Variants in NTN1 observed in about 807,000 individuals in gnomAD.
NTN1 encodes netrin-1.
NTN1 carries 11 observed loss-of-function variants against 54.2 expected under a neutral mutation model. The ratio of observed to expected loss-of-function variants is 0.20; its 90% CI spans 0.13 to 0.34. The LOEUF (loss-of-function observed/expected upper bound fraction) is 0.34. Ranked by LOEUF, NTN1 falls within the 10% of genes least tolerant of loss-of-function variation. The pLI is 1.00. For synonymous variants in NTN1, 371 were observed against 382.0 expected, an observed-to-expected ratio of 0.97 and a Z score of 0.33; for missense variants, 740 against 893.1, an observed-to-expected ratio of 0.83 and a Z score of 2.18.
chr17:9,044,315 A>G (rs1207049462), intron 2 of NTN1, among the ~76,000 whole-genome samples: 1 of 151,232 alleles, frequency 6.6e-6, no homozygotes, highest in African/African-American at 2.4e-5. Context: ...GCTCACTGCA[A>G]CCTCCGCCTC....
Position 9,128,556 on chromosome 17 carries a change from G to A in NTN1, c.1019-34257G>A, listed in dbSNP as rs545539364. On this transcript the variant is annotated intron_variant, in intron 2 of 6. Transcript: ENST00000173229. ...GAGACTGGCCCTCATCTTCTCCAGC[G>A]TGCCCCATTGTCTCACACTACCATT... Among the ~76,000 whole-genome samples the A allele has an allele frequency of 6.6e-5, 10 of 152,248 alleles. No homozygotes were observed. The South Asian group carries it at 1.2e-3, about 19-fold the overall frequency.
chr17:9,227,543 TCA>T (rs1230383612), intron 6 of NTN1, among the ~76,000 whole-genome samples: 10 of 117,966 alleles, frequency 8.5e-5, no homozygotes, highest in African/African-American at 2.8e-4. Context: ...AGATACACCA[TCA>T]CACACAGGCA....
At chr17:9,065,441 T>C (rs1284046908) in intron 2 of NTN1, among the ~76,000 whole-genome samples, 1 of 152,194 alleles carries the variant, frequency 6.6e-6, no homozygotes, top group African/African-American at 2.4e-5. Context: ...AGGTTTGGGC[T>C]CAAATTGCCT....
At chr17:9,099,046 G>A (rs1051223618) in intron 2 of NTN1, among the ~76,000 whole-genome samples, 4 of 152,000 alleles carry the variant, frequency 2.6e-5, no homozygotes, top group African/African-American at 9.7e-5. Context: ...TGTAACCTGG[G>A]CTTTTCATTT....
chr17:9,121,122 G>A (rs977408944), intron 2 of NTN1, among the ~76,000 whole-genome samples: 1 of 152,102 alleles, frequency 6.6e-6, no homozygotes, highest in African/African-American at 2.4e-5. Context: ...GCCCTGTCGG[G>A]GGGAGAGCTG....
At chr17:9,037,188 C>A (rs1427079379) in intron 2 of NTN1, among the ~76,000 whole-genome samples, 8 of 152,166 alleles carry the variant, frequency 5.3e-5, no homozygotes, top group Non-Finnish European at 2.9e-5. Flanking sequence ...TATTTTTGAA[C>A]TTTATGTAAT....
chr17:9,052,306 A>G (rs781124262), intron 2 of NTN1, among the ~76,000 whole-genome samples: 1 of 152,190 alleles, frequency 6.6e-6, no homozygotes, highest in Non-Finnish European at 1.5e-5. Flanking sequence ...AGCCTGAGTT[A>G]AGGGCATAAT....
In NTN1 at chr17:9,203,267, T is replaced by C. The variant is rs1184049459; in HGVS notation, c.1412-17901T>C. 2.0e-5 allele frequency among the ~76,000 whole-genome samples: 3 copies of C among 152,012 alleles called. No individual in the cohort carries two copies. In the East Asian group the frequency reaches 5.8e-4, roughly 29 times the overall value. On this transcript the variant is annotated intron_variant, in intron 5 of 6. Transcript: ENST00000173229. ...TTCTTTGCCCTCTGTTTGCCAGCTG[T>C]TCCCTCCTCCTGCCAATGTGTTGAT...
At chr17:9,225,817 C>T (rs547494993) in intron 6 of NTN1, among the ~76,000 whole-genome samples, 3 of 152,344 alleles carry the variant, frequency 2.0e-5, no homozygotes, top group African/African-American at 7.2e-5. Context: ...ACATTTCCTT[C>T]ACCCAGGGCA....
chr17:9,241,074 C>CGA lies in NTN1; in HGVS notation c.*1106_*1107insGA, dbSNP rs1906198588. ...TTGGAGTCTGCAGGCTGCGAAGGCA[C>CGA]TTGGGCCTGGCTTGGGGCCGGGGGC... On this transcript the variant is annotated 3_prime_UTR_variant, in exon 7 of 7. Transcript: ENST00000173229. 2 of 152,408 alleles carry CGA rather than the reference C, an allele frequency of 1.3e-5. No individual in the cohort carries two copies. Among genetic ancestry groups the CGA allele is most frequent in the Non-Finnish European group, 2.9e-5 (2 of 68,226 alleles). 9.4% of individuals were successfully genotyped at this position (152,408 alleles called of 1,614,324 possible).
chr17:9,031,373 T>G (rs1250255239), intron 2 of NTN1, among the ~76,000 whole-genome samples: 1 of 152,154 alleles, frequency 6.6e-6, no homozygotes, highest in Admixed American at 6.5e-5. Context: ...AGCAAATAAA[T>G]GTACCACCAC....
In NTN1 at chr17:9,111,178, C is replaced by T. The variant is rs1376558727; in HGVS notation, c.1019-51635C>T. ...GTCTCGATCTCCTGATCTCGTGATC[C>T]GCCTGCCTCGGCCTCCCAAAGTGCT... On this transcript the variant is annotated intron_variant, in intron 2 of 6. Transcript: ENST00000173229. Among the ~76,000 whole-genome samples, 5 of 152,064 alleles carry T rather than the reference C, an allele frequency of 3.3e-5. No individual in the cohort carries two copies. The East Asian group carries it at 5.8e-4, about 18-fold the overall frequency.
At position 9,169,170 on chromosome 17, in the gene NTN1, C is replaced by G. The variant is rs75124585; in HGVS notation, c.1207+6169C>G. On this transcript the variant is annotated intron_variant, in intron 3 of 6. Transcript: ENST00000173229. ...TAAGTCTGGTGACCTCTCTAGACCT[C>G]AGTCTCCTCATCTGTGGGATTATGG... Among the ~76,000 whole-genome samples, 1,285 of 152,358 alleles carry G rather than the reference C, an allele frequency of 8.4e-3. 16 individuals carry two copies. The highest frequency in any genetic ancestry group is 0.029 in the African/African-American group (1,194 of 41,578).
chr17:9,242,922 A>G lies in NTN1; in HGVS notation c.*2954A>G, dbSNP rs1305255775. The G allele has an allele frequency of 1.3e-5, 2 of 152,228 alleles. No homozygotes were observed. The highest frequency in any genetic ancestry group is 6.5e-5 in the Admixed American group (1 of 15,286). The allele number at this position is 152,228 out of a possible 1,614,324, so 9.4% of individuals were successfully genotyped here. A position where few individuals can be genotyped will look rare whatever the true frequency, so the allele number is the denominator to read the frequency against. On this transcript the variant is annotated 3_prime_UTR_variant, in exon 7 of 7. Transcript: ENST00000173229. ...TCCCGGTTTGTACAGTTAGGAAGGG[A>G]TGTAAAACGGAACTAGATTTTGATT...
At chr17:9,026,447 T>C (rs940851) in intron 2 of NTN1, among the ~76,000 whole-genome samples, 116,158 of 150,402 alleles carry the variant, frequency 0.77, 45,247 homozygotes, top group African/African-American at 0.86. Context: ...CGATGTATAA[T>C]GTTACGGCCT....
chr17:9,090,321 A>G (rs2092105869), intron 2 of NTN1, among the ~76,000 whole-genome samples: 1 of 151,916 alleles, frequency 6.6e-6, no homozygotes, highest in Non-Finnish European at 1.5e-5. Context: ...GACTACAGGC[A>G]TGCACCACCA....
At position 9,221,285 on chromosome 17, in the gene NTN1, A is replaced by G. The variant is rs112589708; in HGVS notation, c.1486+43A>G. ...TGTCTGGGGAGGATGGGAGGGGGCC[A>G]CGTGACCAGCGAGGTGCTGGGGCTG... On this transcript the variant is annotated intron_variant, in intron 6 of 6. Transcript: ENST00000173229. This position sits in a 1 kb window ranked among gnomAD's most constrained non-coding sequence, Gnocchi z 4.5. 296 of 1,509,856 alleles carry G rather than the reference A, an allele frequency of 2.0e-4. 1 individual carries two copies. The African/African-American group carries it at 3.4e-3, about 17-fold the overall frequency. The allele number at this position is 1,509,856 out of a possible 1,614,324, so 93.5% of individuals were successfully genotyped here.
At chr17:9,115,736 C>T (rs1051843626) in intron 2 of NTN1, among the ~76,000 whole-genome samples, 1 of 152,204 alleles carries the variant, frequency 6.6e-6, no homozygotes, top group Non-Finnish European at 1.5e-5. Flanking sequence ...CAGAGACAAA[C>T]GAACGGATGG....
In NTN1 at chr17:9,096,366, C is replaced by CCTTTTTTTTT. The variant is rs55880198; in HGVS notation, c.1019-66447_1019-66446insCTTTTTTTTT. Among the ~76,000 whole-genome samples, 111 of 91,552 alleles carry CCTTTTTTTTT rather than the reference C, an allele frequency of 1.2e-3. 26 individuals carry two copies. Among genetic ancestry groups the CCTTTTTTTTT allele is most frequent in the South Asian group, 1.7e-3 (4 of 2,392 alleles). The allele number at this position is 91,552 out of a possible 152,430, so 60.1% of individuals were successfully genotyped here. On this transcript the variant is annotated intron_variant, in intron 2 of 6. Coordinates refer to ENST00000173229, the MANE Select transcript of NTN1 (RefSeq NM_004822.3). Reference sequence around the variant, plus strand: ...TGTCTTCCTGGGTTTTATGGGTAGACTTTTTTTTTTTTTTTTTTTTTTGAG... The same window carrying CCTTTTTTTTT: ...TGTCTTCCTGGGTTTTATGGGTAGACCTTTTTTTTTTTTTTTTTTTTTTTTTTTTTTTGAG...
Sources: gnomAD v4.1 joint callset for allele counts (sites outside exome capture counted in the v4.1 genomes callset) on GRCh38, gnomAD v4.1.1 for gene constraint, Gnocchi (gnomAD v3.1) non-coding constraint, MANE v1.5 for transcripts, NCBI Gene and HGNC (gene_info 2026-07-23, HGNC 2026-07-21) for gene names.